The following WWC2 variants were observed in gnomAD, a reference collection of about 807,000 sequenced individuals.
WWC2 encodes protein WWC2.
WWC2 carries 101 observed loss-of-function variants against 138.5 expected under a neutral mutation model. The ratio of observed to expected loss-of-function variants is 0.73; its 90% CI spans 0.62 to 0.86. The LOEUF (loss-of-function observed/expected upper bound fraction) is 0.86, where lower values mean the gene tolerates loss of function less well. Ranked by LOEUF, WWC2 falls within the 40% of genes least tolerant of loss-of-function variation. The probability of loss-of-function intolerance (pLI) is 0.00; values close to 1 mark genes in which losing one functional copy is unlikely to be tolerated. For synonymous variants in WWC2, 558 were observed against 538.4 expected (o/e 1.04, Z -0.50); for missense variants, 1,420 against 1,419.4 (o/e 1.00, Z -0.01).
chr4:183,099,646 G>C, intron 1 of WWC2, 24 bp downstream of exon 1: 1 of 1,283,672 alleles, frequency 7.8e-7, no homozygotes, highest in Non-Finnish European at 1.0e-6. Context: ...GCGGGGGCGC[G>C]GGCCCGTTCG....
chr4:183,159,090 T>TA (rs1733885938), intron 1 of WWC2, among the ~76,000 whole-genome samples: 1 of 152,210 alleles, frequency 6.6e-6, no homozygotes. Context: ...AAAATACCCA[T>TA]AAAATGCAAA....
chr4:183,249,989 A>G lies in WWC2; in HGVS notation c.949A>G (p.Arg317Gly). The G allele has an allele frequency of 6.2e-7, 1 of 1,613,620 alleles. No individual in the cohort carries two copies. The highest frequency in any genetic ancestry group is 8.5e-7 in the Non-Finnish European group (1 of 1,179,634). The change falls in exon 8 of 23, where the codon AGA (arginine) becomes GGA (glycine). Residue 317 changes from arginine (R) to glycine (G), a missense_variant. Coordinates refer to ENST00000403733, the MANE Select transcript of WWC2 (RefSeq NM_024949.6). ...RLSLQYEEAK[R>G]SMANLKIELS... The stretch of plus-strand genomic sequence containing the variant: ...AAGCCTACAGTATGAAGAAGCCAAA[A>G]GAAGGTAATGACAGAGAAGCTGTTT...
rs139404406 is a variant in WWC2, at chr4:183,157,254, G to A, written c.132-36345G>A. On this transcript the variant is annotated intron_variant, in intron 1 of 22. Coordinates refer to ENST00000403733, the MANE Select transcript of WWC2 (RefSeq NM_024949.6). The stretch of plus-strand genomic sequence containing the variant: ...GATCACTTAATTGGGTCCTCAATTC[G>A]TGTTTGTCTGATATTTAAACATTAG... Among the ~76,000 whole-genome samples, 262 of 152,150 alleles carry A rather than the reference G, an allele frequency of 1.7e-3. 1 individual carries two copies. The highest frequency in any genetic ancestry group is 2.8e-3 in the Non-Finnish European group (192 of 67,998).
intron 1 of WWC2, among the ~76,000 whole-genome samples, chr4:183,185,451 T>TA (rs1181525672): frequency 1.3e-5 from 2 of 152,180 alleles, no homozygotes; most frequent in Admixed American, 6.5e-5. Flanking sequence ...ACAAATCACG[T>TA]AAAAAAGAGG....
At chr4:183,185,693 C>T (rs1734770083) in intron 1 of WWC2, among the ~76,000 whole-genome samples, 1 of 152,116 alleles carries the variant, frequency 6.6e-6, no homozygotes, top group Non-Finnish European at 1.5e-5. Context: ...AGCTTGCAAC[C>T]ACTACTGCCC....
intron 1 of WWC2, among the ~76,000 whole-genome samples, chr4:183,165,148 A>T (rs1225036165): frequency 1.3e-5 from 2 of 152,080 alleles, no homozygotes; most frequent in African/African-American, 4.8e-5. Context: ...GGTTGGGCAA[A>T]GTTGGTTTGA....
chr4:183,119,285 C>T (rs1579956117), intron 1 of WWC2, among the ~76,000 whole-genome samples: 1 of 152,184 alleles, frequency 6.6e-6, no homozygotes, highest in East Asian at 1.9e-4. Flanking sequence ...GAAGTTACTT[C>T]TCCAGTTAAA....
At position 183,320,767 on chromosome 4, in the gene WWC2, C is replaced by T. The variant is rs1380427155; in HGVS notation, c.*5038C>T. On this transcript the variant is annotated 3_prime_UTR_variant, in exon 23 of 23. Coordinates refer to ENST00000403733, the MANE Select transcript of WWC2 (RefSeq NM_024949.6). ...GTATTTCTTAACCAAATAAATCAAT[C>T]TTATCAGAAATCTCTCTACACCTTA... 1 of 166,572 alleles carries T rather than the reference C, an allele frequency of 6.0e-6. No individual in the cohort carries two copies. Among genetic ancestry groups the T allele is most frequent in the Non-Finnish European group, 1.4e-5 (1 of 71,938 alleles). The allele number at this position is 166,572 out of a possible 1,614,324, so 10.3% of individuals were successfully genotyped here. A position where few individuals can be genotyped will look rare whatever the true frequency, so the allele number is the denominator to read the frequency against.
At chr4:183,171,216 G>A (rs1734269093) in intron 1 of WWC2, among the ~76,000 whole-genome samples, 1 of 152,108 alleles carries the variant, frequency 6.6e-6, no homozygotes, top group African/African-American at 2.4e-5. Flanking sequence ...GCAGGGTCAA[G>A]GGTTAAAAAT....
At chr4:183,309,239 C>T (rs1739131255) in intron 21 of WWC2, among the ~76,000 whole-genome samples, 1 of 152,152 alleles carries the variant, frequency 6.6e-6, no homozygotes, top group Admixed American at 6.5e-5. Context: ...ACCTGATAAG[C>T]TGGACTTCGT....
intron 1 of WWC2, among the ~76,000 whole-genome samples, chr4:183,139,872 G>T (rs1281598095): frequency 2.0e-5 from 3 of 152,188 alleles, no homozygotes; most frequent in African/African-American, 7.2e-5. Context: ...GAGTGCAGTG[G>T]TGTGATCTCA....
At position 183,256,898 on chromosome 4, in the gene WWC2, C is replaced by T. The variant is rs889419292; in HGVS notation, c.1197-2741C>T. Among the ~76,000 whole-genome samples the T allele has an allele frequency of 6.6e-4, 50 of 75,652 alleles. 3 individuals are homozygous for T. Among genetic ancestry groups the T allele is most frequent in the African/African-American group, 2.2e-3 (46 of 21,050 alleles). 49.6% of individuals were successfully genotyped at this position (75,652 alleles called of 152,430 possible). A position where few individuals can be genotyped will look rare whatever the true frequency, so the allele number is the denominator to read the frequency against. On this transcript the variant is annotated intron_variant, in intron 9 of 22. Transcript: ENST00000403733. ...GTGATCCTACAGCCCCCCCCCCCCC[C>T]CCCCCGGCTCTGTTCCTGCCCCCAC...
At chr4:183,114,189 C>A (rs1268936071) in intron 1 of WWC2, among the ~76,000 whole-genome samples, 1 of 152,104 alleles carries the variant, frequency 6.6e-6, no homozygotes, top group Non-Finnish European at 1.5e-5. Flanking sequence ...CCTCCCCCCG[C>A]CATCCTCTCT....
intron 18 of WWC2, 80 bp downstream of exon 18, chr4:183,282,986 T>C: frequency 7.3e-7 from 1 of 1,374,616 alleles, no homozygotes; most frequent in Non-Finnish European, 9.6e-7. Flanking sequence ...TTTGTCTCCT[T>C]AGGTGTAAAT....
At chr4:183,173,090 G>A (rs1734340825) in intron 1 of WWC2, among the ~76,000 whole-genome samples, 2 of 151,798 alleles carry the variant, frequency 1.3e-5, no homozygotes, top group African/African-American at 4.8e-5. Flanking sequence ...TGTCACCCAG[G>A]CTGGAGTGCA....
At chr4:183,312,839 C>T (rs969716033) in intron 22 of WWC2, among the ~76,000 whole-genome samples, 9 of 152,202 alleles carry the variant, frequency 5.9e-5, no homozygotes, top group Non-Finnish European at 8.8e-5. Context: ...CCTTGTCAGG[C>T]TCTGAGATGT....
chr4:183,113,515 T>TCAC (rs1732311924), intron 1 of WWC2, among the ~76,000 whole-genome samples: 1 of 126,644 alleles, frequency 7.9e-6, no homozygotes, highest in African/African-American at 3.0e-5. Flanking sequence ...TGTGTGTGTG[T>TCAC]GCGCGCGCGT....
At chr4:183,152,766 C>G (rs1733679157) in intron 1 of WWC2, among the ~76,000 whole-genome samples, 1 of 151,446 alleles carries the variant, frequency 6.6e-6, no homozygotes, top group Admixed American at 6.6e-5. Flanking sequence ...GCCTGTAATC[C>G]CAGCTACTCA....
chr4:183,315,869 T>G lies in WWC2; in HGVS notation c.*140T>G. The G allele has an allele frequency of 1.6e-6, 1 of 608,032 alleles. No individual in the cohort carries two copies. Among genetic ancestry groups the G allele is most frequent in the Non-Finnish European group, 2.8e-6 (1 of 353,644 alleles). 37.7% of individuals were successfully genotyped at this position (608,032 alleles called of 1,614,324 possible). ...ACTCTTGAAGAACTTTTATTTCACATCAGATTTTCAACACATTAATTTGTA... is the reference window on the plus strand; with the variant it reads ...ACTCTTGAAGAACTTTTATTTCACAGCAGATTTTCAACACATTAATTTGTA... On this transcript the variant is annotated 3_prime_UTR_variant, in exon 23 of 23. Coordinates refer to ENST00000403733, the MANE Select transcript of WWC2 (RefSeq NM_024949.6).
Sources: allele counts gnomAD v4.1 joint callset (sites outside exome capture counted in the v4.1 genomes callset), GRCh38; gene constraint gnomAD v4.1.1; transcripts MANE v1.5; gene names NCBI Gene and HGNC (gene_info 2026-07-23, HGNC 2026-07-21).